Variants in PARD3B observed in about 807,000 individuals in gnomAD.
PARD3B encodes the protein partitioning defective 3 homolog B.
In PARD3B, 103 loss-of-function variants were observed where a neutral mutation model predicts 130.2. That is an observed-to-expected ratio of 0.79 (90% confidence interval 0.67 to 0.93). PARD3B has a LOEUF of 0.93. Among genes scored for constraint, PARD3B ranks in the 40% least tolerant of loss-of-function variants. The pLI is 0.00. For missense variants in PARD3B, 1,609 were observed against 1,499.2 expected (o/e 1.07, Z -1.21); for synonymous variants, 583 against 553.2 (o/e 1.05, Z -0.76).
At chr2:205,520,298 T>G (rs765808248) in intron 21 of PARD3B, among the ~76,000 whole-genome samples, 19 of 151,856 alleles carry the variant, frequency 1.3e-4, no homozygotes, top group Non-Finnish European at 2.8e-4. Context: ...GGTGGATATG[T>G]GGGAAACATG....
chr2:204,847,175 T>C (rs2044496645), intron 2 of PARD3B, among the ~76,000 whole-genome samples: 1 of 151,576 alleles, frequency 6.6e-6, no homozygotes, highest in African/African-American at 2.4e-5. Context: ...TCTTTCTTTT[T>C]TTTTTTTTTG....
At chr2:205,031,132 T>TA (rs1223459505) in intron 3 of PARD3B, among the ~76,000 whole-genome samples, 1 of 152,166 alleles carries the variant, frequency 6.6e-6, no homozygotes, top group African/African-American at 2.4e-5. Flanking sequence ...CAAATCCATT[T>TA]AGCTGTGTAC....
In PARD3B at chr2:204,848,401, T is replaced by C. The variant is rs78950601; in HGVS notation, c.223-116751T>C. Among the ~76,000 whole-genome samples the C allele has an allele frequency of 1.7e-3, 255 of 152,280 alleles. 1 individual carries two copies. Among genetic ancestry groups the C allele is most frequent in the African/African-American group, 6.0e-3 (251 of 41,574 alleles). ...CATTGAAAAATATTACTGCACTGTT[T>C]TCTGGCTTCCAGAATTGCTGTCAGA... On this transcript the variant is annotated intron_variant, in intron 2 of 22. Transcript: ENST00000406610.
Position 205,366,100 on chromosome 2 carries a change from T to A in PARD3B, c.2631-34913T>A, listed in dbSNP as rs187840923. Among the ~76,000 whole-genome samples, 1 of 152,190 alleles carries A rather than the reference T, an allele frequency of 6.6e-6. No homozygotes were observed. Among genetic ancestry groups the A allele is most frequent in the South Asian group, 2.1e-4 (1 of 4,826 alleles). On this transcript the variant is annotated intron_variant, in intron 18 of 22. Transcript: ENST00000406610. This position sits in a 1 kb window ranked among gnomAD's most constrained non-coding sequence, Gnocchi z 5.0. Reference sequence around the variant, plus strand: ...TCCATCCATCCGTTTATCCATCCATTCATCCATCCATCCATTATCCATATT... The same window carrying A: ...TCCATCCATCCGTTTATCCATCCATACATCCATCCATCCATTATCCATATT...
rs564131186 is a variant in PARD3B at position 204,946,486 on chromosome 2, G to T, written c.223-18666G>T. Among the ~76,000 whole-genome samples, 3 of 152,086 alleles carry T rather than the reference G, an allele frequency of 2.0e-5. No individual in the cohort carries two copies. The East Asian group carries it at 5.8e-4, about 29-fold the overall frequency. On this transcript the variant is annotated intron_variant, in intron 2 of 22. Transcript: ENST00000406610. Reference sequence around the variant, plus strand: ...TTTTCTGTTAAATCAACTCTAGCCTGCAGATTCCATCATTGACCATCTTAC... The same window carrying T: ...TTTTCTGTTAAATCAACTCTAGCCTTCAGATTCCATCATTGACCATCTTAC...
chr2:204,923,333 G>A (rs2047756093), intron 2 of PARD3B, among the ~76,000 whole-genome samples: 1 of 151,760 alleles, frequency 6.6e-6, no homozygotes, highest in Non-Finnish European at 1.5e-5. Flanking sequence ...AATTTTGAAG[G>A]ACTGAAAAAT....
intron 2 of PARD3B, among the ~76,000 whole-genome samples, chr2:204,927,673 A>G (rs958576628): frequency 3.3e-5 from 5 of 152,182 alleles, no homozygotes; most frequent in Non-Finnish European, 7.4e-5. Flanking sequence ...GAGAGGAGTT[A>G]TAGGCACAAG....
chr2:204,685,247 G>A (rs1401562483), intron 1 of PARD3B, among the ~76,000 whole-genome samples: 1 of 152,114 alleles, frequency 6.6e-6, no homozygotes, highest in Admixed American at 6.6e-5. Flanking sequence ...TGGATACCAA[G>A]TGTATTATAG....
chr2:205,292,642 A>T lies in PARD3B; in HGVS notation c.2186-7888A>T, dbSNP rs563709013. 1.3e-5 allele frequency among the ~76,000 whole-genome samples: 2 copies of T among 152,260 alleles called. No individual in the cohort carries two copies. The highest frequency in any genetic ancestry group is 3.9e-4 in the East Asian group (2 of 5,178). ...CCCTCAAGGGCACACTGTCATTGAG[A>T]TGGAAGGTAAGTGAAATTGCTCTCA... On this transcript the variant is annotated intron_variant, in intron 16 of 22. Transcript: ENST00000406610. The surrounding 1 kb of genome is among the most constrained non-coding windows in gnomAD (Gnocchi z 5.3).
chr2:205,594,889 A>G (rs944851650), intron 22 of PARD3B, among the ~76,000 whole-genome samples: 2 of 152,224 alleles, frequency 1.3e-5, no homozygotes, highest in African/African-American at 4.8e-5. Context: ...TGTTCATTCA[A>G]GGTCTTTGGA....
At chr2:205,130,092 A>T (rs1243429491) in intron 10 of PARD3B, among the ~76,000 whole-genome samples, 5 of 152,210 alleles carry the variant, frequency 3.3e-5, no homozygotes, top group Non-Finnish European at 5.9e-5. Flanking sequence ...TACCAAAAGA[A>T]GGGTATTTCA....
intron 18 of PARD3B, among the ~76,000 whole-genome samples, chr2:205,331,432 G>A (rs2043124739): frequency 6.6e-6 from 1 of 151,976 alleles, no homozygotes; most frequent in Non-Finnish European, 1.5e-5. Flanking sequence ...TCTGGGCTAG[G>A]GTGGAGGTGT....
intron 2 of PARD3B, among the ~76,000 whole-genome samples, chr2:204,918,858 G>A (rs1048415772): frequency 2.0e-5 from 3 of 150,892 alleles, no homozygotes; most frequent in Admixed American, 6.6e-5. Context: ...TTGATAGTTC[G>A]TCTGTGTTTC....
At chr2:204,923,989 G>C (rs1044377750) in intron 2 of PARD3B, among the ~76,000 whole-genome samples, 4 of 152,046 alleles carry the variant, frequency 2.6e-5, no homozygotes, top group Non-Finnish European at 5.9e-5. Flanking sequence ...TAGTGATATA[G>C]TATTTGATGC....
In PARD3B at chr2:204,689,133, A is replaced by C. The variant is rs2037238278; in HGVS notation, c.222+2851A>C. On this transcript the variant is annotated intron_variant, in intron 2 of 22. Coordinates refer to ENST00000406610, the MANE Select transcript of PARD3B (RefSeq NM_001302769.2). The surrounding 1 kb of genome is among the most constrained non-coding windows in gnomAD (Gnocchi z 5.2). The stretch of plus-strand genomic sequence containing the variant: ...TAGAGGTTAAATGATATTGTACTTC[A>C]AATTAGAGAAGGCTCTAACAAAGTT... 6.6e-6 allele frequency among the ~76,000 whole-genome samples: 1 copy of C among 152,304 alleles called. No homozygotes were observed. Among genetic ancestry groups the C allele is most frequent in the African/African-American group, 2.4e-5 (1 of 41,570 alleles).
chr2:205,404,449 A>G (rs914267291), intron 19 of PARD3B, among the ~76,000 whole-genome samples: 4 of 152,196 alleles, frequency 2.6e-5, no homozygotes, highest in African/African-American at 9.6e-5. Context: ...CTAATCCCCC[A>G]TGGATACCAA....
intron 3 of PARD3B, among the ~76,000 whole-genome samples, chr2:205,032,404 C>G (rs1697490828): frequency 6.6e-6 from 1 of 152,084 alleles, no homozygotes; most frequent in Non-Finnish European, 1.5e-5. Flanking sequence ...CAGAGTGCGA[C>G]TTCTTCCTAC....
chr2:205,521,178 G>A (rs2051033540), intron 21 of PARD3B, among the ~76,000 whole-genome samples: 1 of 151,618 alleles, frequency 6.6e-6, no homozygotes, highest in Non-Finnish European at 1.5e-5. Context: ...AAAATTGAGT[G>A]TTTGTATTTT....
At chr2:205,027,788 T>A (rs2125351829) in intron 3 of PARD3B, among the ~76,000 whole-genome samples, 1 of 152,254 alleles carries the variant, frequency 6.6e-6, no homozygotes, top group Non-Finnish European at 1.5e-5. Flanking sequence ...ATGTGTATAT[T>A]TGGTTCACAC....
Sources: allele counts gnomAD v4.1 joint callset (sites outside exome capture counted in the v4.1 genomes callset), GRCh38; gene constraint gnomAD v4.1.1; non-coding constraint Gnocchi (gnomAD v3.1); transcripts MANE v1.5; gene names NCBI Gene and HGNC (gene_info 2026-07-23, HGNC 2026-07-21).